Variants in GINM1 observed in about 807,000 individuals in gnomAD.
GINM1 encodes glycosylated integral membrane protein 1.
A neutral mutation model predicts 37.8 loss-of-function variants in GINM1; 29 were observed. The observed-to-expected ratio is 0.77, with a 90% CI of 0.57 to 1.05. GINM1 has a LOEUF of 1.05. Ranked by LOEUF, GINM1 falls within the 50% of genes least tolerant of loss-of-function variation. The pLI is 0.00. For missense variants in GINM1, 377 were observed against 397.9 expected (o/e 0.95, Z 0.45); for synonymous variants, 143 against 146.2 (o/e 0.98, Z 0.16).
chr6:149,581,224 G>A (rs1181032848), intron 6 of GINM1, among the ~76,000 whole-genome samples: 1 of 152,182 alleles, frequency 6.6e-6, no homozygotes, highest in Non-Finnish European at 1.5e-5. Context: ...GTGCAGTGGT[G>A]TGATCTCGGC....
In GINM1 at chr6:149,582,578, G is replaced by T. The variant is rs751065479; in HGVS notation, c.856G>T (p.Val286Leu). Reference sequence around the variant, plus strand: ...AGCTGTGGTAATAACCATCTTAAAGGTGTTTTTCCCAGTTTCTGAATACAA... The same window carrying T: ...AGCTGTGGTAATAACCATCTTAAAGTTGTTTTTCCCAGTTTCTGAATACAA... ...GAAVVITILK[V>L]FFPVSEYKGI... Residue 286 changes from valine to leucine, a missense_variant, in exon 7 of 8, where the codon GTG becomes TTG. By Grantham distance (32) the Val-to-Leu change is conservative (BLOSUM62 1). Coordinates refer to ENST00000367419, the MANE Select transcript of GINM1 (RefSeq NM_138785.5). 3 of 1,586,622 alleles carry T rather than the reference G, an allele frequency of 1.9e-6. No homozygotes were observed. Among genetic ancestry groups the T allele is most frequent in the African/African-American group, 1.4e-5 (1 of 73,340 alleles).
chr6:149,573,209 G>A (rs909592337), intron 3 of GINM1, among the ~76,000 whole-genome samples: 17 of 152,122 alleles, frequency 1.1e-4, no homozygotes, highest in Non-Finnish European at 1.8e-4. Flanking sequence ...GGAGGCTGAG[G>A]CAGGAGAATC....
At chr6:149,580,099 AT>A in intron 5 of GINM1, 109 bp downstream of exon 5, 1 of 716,930 alleles carries the variant, frequency 1.4e-6, no homozygotes. Flanking sequence ...AAAAGTTGCT[AT>A]TTATCTTTAA....
intron 6 of GINM1, among the ~76,000 whole-genome samples, chr6:149,581,644 A>C (rs377537285): frequency 1.3e-5 from 2 of 152,194 alleles, no homozygotes; most frequent in Non-Finnish European, 2.9e-5. Flanking sequence ...GGCACCTACT[A>C]ATTTCTCAGA....
chr6:149,572,381 C>A, intron 2 of GINM1, 37 bp downstream of exon 2: 2 of 1,422,216 alleles, frequency 1.4e-6, no homozygotes, highest in Non-Finnish European at 2.0e-6. Flanking sequence ...TATAATTTAG[C>A]TAAGTGCTAT....
In GINM1 at chr6:149,582,506, G is replaced by C. The variant is rs748236590; in HGVS notation, c.784G>C (p.Val262Leu). Residue 262 changes from valine to leucine, a missense_variant, in exon 7 of 8, where the codon GTA becomes CTA. Transcript: ENST00000367419. Reference protein sequence around the residue: ...LCRFWSNVFPVFFQFLNIMVV... With the variant: ...LCRFWSNVFPLFFQFLNIMVV... ...TAGGTTCTGGAGCAACGTTTTCCCA[G>C]TATTCTTTCAGTTTTTGAACATCAT... is the stretch of plus-strand genomic sequence containing the variant. The C allele has an allele frequency of 1.2e-6, 2 of 1,612,546 alleles. No homozygotes were observed. The highest frequency in any genetic ancestry group is 2.7e-5 in the African/African-American group (2 of 74,870).
intron 1 of GINM1, among the ~76,000 whole-genome samples, chr6:149,569,331 C>G (rs966304803): frequency 7.1e-6 from 1 of 140,164 alleles, no homozygotes; most frequent in Admixed American, 8.0e-5. Context: ...CCACTGCGCC[C>G]GGTCACTTTT....
intron 7 of GINM1, among the ~76,000 whole-genome samples, chr6:149,588,731 G>A (rs1329783913): frequency 3.3e-5 from 5 of 151,820 alleles, no homozygotes; most frequent in African/African-American, 1.2e-4. Flanking sequence ...GGGTTCAAGC[G>A]ATCCTCCTGC....
chr6:149,584,143 T>C (rs954433276), intron 7 of GINM1, among the ~76,000 whole-genome samples: 1 of 151,988 alleles, frequency 6.6e-6, no homozygotes, highest in Non-Finnish European at 1.5e-5. Flanking sequence ...GCTTGGTTAA[T>C]TTTTGTATTT....
At position 149,580,868 on chromosome 6, in the gene GINM1, A is replaced by G. The variant is rs917297451; in HGVS notation, c.717+145A>G. ...GGACTCATCTTGGTCTTAATGTGAT[A>G]TTTTTAGTATTCCTATTTTCCTCTT... On this transcript the variant is annotated intron_variant, in intron 6 of 7. Coordinates refer to ENST00000367419, the MANE Select transcript of GINM1 (RefSeq NM_138785.5). 27 of 608,538 alleles carry G rather than the reference A, an allele frequency of 4.4e-5. No homozygotes were observed. The South Asian group carries it at 5.4e-4, about 12-fold the overall frequency. 37.7% of individuals were successfully genotyped at this position (608,538 alleles called of 1,614,324 possible).
In GINM1 at chr6:149,580,779, G is replaced by A. The variant is rs140415093; in HGVS notation, c.717+56G>A. ...ATTCATGGTTAAGATGAAGAAAATCGACCCTAGCATTTAAAATGGAGTGGA... is the reference window on the plus strand; with the variant it reads ...ATTCATGGTTAAGATGAAGAAAATCAACCCTAGCATTTAAAATGGAGTGGA... On this transcript the variant is annotated intron_variant, in intron 6 of 7. Transcript: ENST00000367419. 1,701 of 1,497,842 alleles carry A rather than the reference G, an allele frequency of 1.1e-3. 12 individuals carry two copies. In the African/African-American group the frequency reaches 0.021, roughly 18 times the overall value. 92.8% of individuals were successfully genotyped at this position (1,497,842 alleles called of 1,614,324 possible). A position where few individuals can be genotyped will look rare whatever the true frequency, so the allele number is the denominator to read the frequency against.
intron 7 of GINM1, among the ~76,000 whole-genome samples, chr6:149,587,956 G>A (rs553243952): frequency 3.9e-5 from 6 of 152,336 alleles, no homozygotes; most frequent in African/African-American, 1.4e-4. Context: ...TTTAGGAGCT[G>A]TTCCAGGAAG....
At chr6:149,572,101 A>ATAAG (rs1251466862) in intron 1 of GINM1, among the ~76,000 whole-genome samples, 184 bp from the exon 2 acceptor site, 2 of 151,900 alleles carry the variant, frequency 1.3e-5, no homozygotes, top group Non-Finnish European at 2.9e-5. Flanking sequence ...AAATAAATAA[A>ATAAG]TAATTGGAAT....
intron 3 of GINM1, chr6:149,576,265 A>AAGG (rs1777912818): frequency 6.6e-6 from 1 of 152,150 alleles, no homozygotes; most frequent in Admixed American, 6.5e-5. Flanking sequence ...ATGTTGGTTG[A>AAGG]AGGTCTTCCT....
chr6:149,567,250 C>A (rs1227140456), intron 1 of GINM1, among the ~76,000 whole-genome samples: 2 of 152,186 alleles, frequency 1.3e-5, no homozygotes, highest in Admixed American at 6.5e-5. Context: ...GGCTGATGCT[C>A]ACCATTCCTG....
At chr6:149,578,759 A>ACT in intron 3 of GINM1, 63 bp from the exon 4 acceptor site, 1 of 1,107,242 alleles carries the variant, frequency 9.0e-7, no homozygotes, top group Non-Finnish European at 1.3e-6. Context: ...CAAAATAATC[A>ACT]CACTCACTCA....
intron 7 of GINM1, among the ~76,000 whole-genome samples, chr6:149,589,365 C>T (rs976643177): frequency 2.0e-5 from 3 of 151,822 alleles, no homozygotes; most frequent in Non-Finnish European, 2.9e-5. Context: ...CTCAACTTCC[C>T]GGGGTCAAGA....
intron 6 of GINM1, 35 bp downstream of exon 6, chr6:149,580,758 A>G: frequency 2.1e-6 from 3 of 1,431,874 alleles, no homozygotes; most frequent in Non-Finnish European, 2.9e-6. Context: ...ATAAGCATTC[A>G]TGGTTAAGAT....
At chr6:149,582,703 G>A in intron 7 of GINM1, 100 bp downstream of exon 7, 1 of 864,410 alleles carries the variant, frequency 1.2e-6, no homozygotes, top group Non-Finnish European at 1.7e-6. Flanking sequence ...ATTAGAAAGG[G>A]TAAGACAAAT....
Sources: gnomAD v4.1 joint callset for allele counts (sites outside exome capture counted in the v4.1 genomes callset) on GRCh38, gnomAD v4.1.1 for gene constraint, MANE v1.5 for transcripts, NCBI Gene and HGNC (gene_info 2026-07-23, HGNC 2026-07-21) for gene names.